TTC27: variants seen among roughly 807,000 people sequenced by gnomAD.
TTC27 encodes tetratricopeptide repeat domain 27.
TTC27 carries 79 observed loss-of-function variants against 115.9 expected under a neutral mutation model. That is an observed-to-expected ratio of 0.68 (90% CI 0.57 to 0.82). TTC27 has a LOEUF of 0.82. Ranked by LOEUF, TTC27 falls within the 40% of genes least tolerant of loss-of-function variation. TTC27 has a pLI of 0.00. For missense variants in TTC27, 1,054 were observed against 993.1 expected (o/e 1.06, Z -0.82); for synonymous variants, 401 against 356.0 (o/e 1.13, Z -1.42).
At chr2:32,643,760 C>T (rs1247864537) in intron 4 of TTC27, among the ~76,000 whole-genome samples, 4 of 152,036 alleles carry the variant, frequency 2.6e-5, no homozygotes, top group East Asian at 1.9e-4. Flanking sequence ...ATTGTCCAGG[C>T]GCAGTGGCTC....
chr2:32,650,588 A>G (rs1234320230), intron 5 of TTC27, among the ~76,000 whole-genome samples: 2 of 151,666 alleles, frequency 1.3e-5, no homozygotes, highest in East Asian at 3.9e-4. Flanking sequence ...TACTCTCCTT[A>G]GTTCTTTTTT....
intron 19 of TTC27, among the ~76,000 whole-genome samples, chr2:32,820,296 A>G (rs570160881): frequency 4.1e-4 from 62 of 152,330 alleles, no homozygotes; most frequent in Admixed American, 3.9e-3. Flanking sequence ...AATATGTTGC[A>G]ATAAACCTCC....
chr2:32,651,520 A>G (rs1665126096), intron 5 of TTC27, among the ~76,000 whole-genome samples: 1 of 152,012 alleles, frequency 6.6e-6, no homozygotes, highest in African/African-American at 2.4e-5. Flanking sequence ...CTAATTTTGT[A>G]TTTTTAGTAG....
intron 13 of TTC27, among the ~76,000 whole-genome samples, chr2:32,767,063 G>A (rs974668267): frequency 6.6e-6 from 1 of 152,138 alleles, no homozygotes. Context: ...TGGGATTATA[G>A]GCGTCAGCCA....
In TTC27 at chr2:32,672,535, C is replaced by G. The variant is rs554917260; in HGVS notation, c.1052+151C>G. 4.2e-5 allele frequency: 23 copies of G among 548,302 alleles called. No individual in the cohort carries two copies. The African/African-American group carries it at 4.4e-4, about 10-fold the overall frequency. The allele number at this position is 548,302 out of a possible 1,614,324, so 34.0% of individuals were successfully genotyped here. On this transcript the variant is annotated intron_variant, in intron 8 of 19. Transcript: ENST00000317907. The stretch of plus-strand genomic sequence containing the variant: ...AGATCAGAGGAAATACTTGGAGAAC[C>G]AATTAAAGGGTTAGATATTACAAAT...
In TTC27 at chr2:32,820,956, T is replaced by G; in HGVS notation, c.*18T>G. On this transcript the variant is annotated 3_prime_UTR_variant, in exon 20 of 20. Transcript: ENST00000317907. ...AGTATTGATTCTGCTGGAAGCAGAT[T>G]CTGGAAAAGGTGCTTTCACCTGCTG... The G allele has an allele frequency of 8.0e-7, 1 of 1,246,816 alleles. No homozygotes were observed. Among genetic ancestry groups the G allele is most frequent in the Non-Finnish European group, 1.0e-6 (1 of 954,966 alleles). 77.2% of individuals were successfully genotyped at this position (1,246,816 alleles called of 1,614,324 possible). A position where few individuals can be genotyped will look rare whatever the true frequency, so the allele number is the denominator to read the frequency against.
At chr2:32,646,587 TCTCA>T (rs1559185571) in intron 4 of TTC27, among the ~76,000 whole-genome samples, 2 of 124,434 alleles carry the variant, frequency 1.6e-5, no homozygotes, top group Non-Finnish European at 3.3e-5. Flanking sequence ...GGAGACCGAC[TCTCA>T]CTCTGTCTGT....
At chr2:32,678,698 A>T (rs911168823) in intron 8 of TTC27, among the ~76,000 whole-genome samples, 158 bp from the exon 9 acceptor site, 1 of 152,186 alleles carries the variant, frequency 6.6e-6, no homozygotes, top group African/African-American at 2.4e-5. Flanking sequence ...AAGTGTTGGG[A>T]TCACAGGTGT....
At chr2:32,691,109 G>C (rs1461082426) in intron 9 of TTC27, among the ~76,000 whole-genome samples, 3 of 152,112 alleles carry the variant, frequency 2.0e-5, no homozygotes. Flanking sequence ...TTTGAAACGT[G>C]CAGTGACAAG....
intron 7 of TTC27, among the ~76,000 whole-genome samples, chr2:32,670,335 C>CA (rs1381114950): frequency 1.3e-5 from 2 of 152,120 alleles, no homozygotes; most frequent in East Asian, 3.8e-4. Context: ...GTGTCACCAC[C>CA]ACCACAATGA....
chr2:32,804,882 C>T (rs2148040114), intron 16 of TTC27, among the ~76,000 whole-genome samples: 1 of 152,018 alleles, frequency 6.6e-6, no homozygotes, highest in East Asian at 1.9e-4. Context: ...TGTATTAGCT[C>T]TGACATGGGG....
intron 10 of TTC27, among the ~76,000 whole-genome samples, chr2:32,711,366 T>C (rs1465062838): frequency 2.6e-5 from 4 of 152,210 alleles, no homozygotes; most frequent in Admixed American, 1.3e-4. Context: ...ATCTTGGAAA[T>C]TAGTCAGATC....
At chr2:32,709,818 A>G (rs1049155767) in intron 10 of TTC27, among the ~76,000 whole-genome samples, 6 of 152,222 alleles carry the variant, frequency 3.9e-5, no homozygotes, top group African/African-American at 1.4e-4. Flanking sequence ...GAAGGTGAAG[A>G]TGTAGTTGAT....
intron 12 of TTC27, among the ~76,000 whole-genome samples, chr2:32,749,131 CT>C (rs1305998425): frequency 1.3e-5 from 2 of 152,156 alleles, no homozygotes; most frequent in Non-Finnish European, 2.9e-5. Context: ...TTTCTTGTTT[CT>C]TTGCATTTGT....
At chr2:32,736,952 T>C in intron 12 of TTC27, 136 bp downstream of exon 12, 1 of 1,263,196 alleles carries the variant, frequency 7.9e-7, no homozygotes, top group South Asian at 1.6e-5. Flanking sequence ...CAGAAAACTT[T>C]TAAATGTTTT....
At chr2:32,797,035 A>G (rs2148032068) in intron 16 of TTC27, among the ~76,000 whole-genome samples, 1 of 151,980 alleles carries the variant, frequency 6.6e-6, no homozygotes, top group Non-Finnish European at 1.5e-5. Flanking sequence ...TTAGCTGGGC[A>G]TGGTGGTGCA....
At chr2:32,716,768 T>C (rs983294831) in intron 10 of TTC27, among the ~76,000 whole-genome samples, 1 of 151,922 alleles carries the variant, frequency 6.6e-6, no homozygotes, top group African/African-American at 2.4e-5. Flanking sequence ...CATGGCTCAC[T>C]GTGCAGCCTT....
chr2:32,684,033 C>G (rs1164343548), intron 9 of TTC27, among the ~76,000 whole-genome samples: 3 of 152,076 alleles, frequency 2.0e-5, no homozygotes, highest in African/African-American at 7.2e-5. Context: ...TGGTGCTCGC[C>G]TATAATCCCA....
intron 15 of TTC27, among the ~76,000 whole-genome samples, chr2:32,783,123 A>T (rs1269222358): frequency 6.6e-6 from 1 of 152,210 alleles, no homozygotes; most frequent in African/African-American, 2.4e-5. Context: ...TATTTAAAAA[A>T]TTGATTAGTA....
Sources: allele counts gnomAD v4.1 joint callset (sites outside exome capture counted in the v4.1 genomes callset), GRCh38; gene constraint gnomAD v4.1.1; transcripts MANE v1.5; gene names NCBI Gene and HGNC (gene_info 2026-07-23, HGNC 2026-07-21).